Variants in NEDD4L observed in about 807,000 individuals in gnomAD.
NEDD4L encodes the protein NEDD4 like E3 ubiquitin protein ligase, also known as E3 ubiquitin-protein ligase NEDD4-like.
Under a neutral mutation model 148.9 loss-of-function variants are expected in NEDD4L, and 54 were observed. The ratio of observed to expected loss-of-function variants is 0.36; its 90% CI spans 0.29 to 0.45. NEDD4L has a LOEUF of 0.45. NEDD4L is among the 20% of genes least tolerant of loss of function. NEDD4L has a pLI of 1.00. For synonymous variants in NEDD4L, 433 were observed against 440.7 expected, an observed-to-expected ratio of 0.98 and a Z score of 0.22; for missense variants, 856 against 1,233.8, an observed-to-expected ratio of 0.69 and a Z score of 4.59.
chr18:58,124,964 C>T (rs958756898), intron 1 of NEDD4L, among the ~76,000 whole-genome samples: 1 of 152,134 alleles, frequency 6.6e-6, no homozygotes, highest in African/African-American at 2.4e-5. Context: ...GTGCAGTGGT[C>T]CAATCATAGC....
intron 1 of NEDD4L, among the ~76,000 whole-genome samples, chr18:58,089,126 A>ATTTTTTTTTTTT (rs570623396): frequency 3.0e-5 from 3 of 100,984 alleles, no homozygotes; most frequent in Non-Finnish European, 5.6e-5. Context: ...TTATTTCATA[A>ATTTTTTTTTTTT]TTTTTTTTTT....
intron 14 of NEDD4L, 144 bp downstream of exon 14, chr18:58,341,313 A>G: frequency 1.1e-6 from 1 of 908,860 alleles, no homozygotes; most frequent in Non-Finnish European, 1.6e-6. Context: ...CATTACTTTA[A>G]ATACAATAAT....
intron 21 of NEDD4L, chr18:58,367,325 A>G (rs1198367211): frequency 6.1e-6 from 1 of 165,218 alleles, no homozygotes; most frequent in Non-Finnish European, 1.3e-5. Context: ...TTGGGCCCAT[A>G]GCAAACATCT....
chr18:58,251,831 T>C (rs943264357), intron 4 of NEDD4L, among the ~76,000 whole-genome samples, 170 bp from the exon 5 acceptor site: 2 of 152,218 alleles, frequency 1.3e-5, no homozygotes, highest in African/African-American at 4.8e-5. Context: ...AAATCAGTAA[T>C]AGGAAATTTG....
chr18:58,290,074 G>T (rs1407703999), intron 5 of NEDD4L, among the ~76,000 whole-genome samples: 1 of 152,180 alleles, frequency 6.6e-6, no homozygotes, highest in East Asian at 1.9e-4. Flanking sequence ...TCAATGATCA[G>T]ATATTTTACT....
chr18:58,318,836 T>G (rs1006438609), intron 6 of NEDD4L, among the ~76,000 whole-genome samples: 9 of 152,214 alleles, frequency 5.9e-5, no homozygotes, highest in African/African-American at 1.9e-4. Flanking sequence ...TAACCCACCT[T>G]TGCCCAGCCA....
chr18:58,258,887 T>C (rs1032797046), intron 5 of NEDD4L, among the ~76,000 whole-genome samples: 2 of 152,226 alleles, frequency 1.3e-5, no homozygotes, highest in Admixed American at 1.3e-4. Flanking sequence ...GCCTTACTTA[T>C]CTTGAAGGAA....
chr18:58,336,601 T>C (rs2041811712), intron 13 of NEDD4L, among the ~76,000 whole-genome samples: 1 of 152,176 alleles, frequency 6.6e-6, no homozygotes, highest in African/African-American at 2.4e-5. Flanking sequence ...AATTTCCTTA[T>C]TGTTTCACCT....
intron 4 of NEDD4L, among the ~76,000 whole-genome samples, chr18:58,250,404 T>A (rs979074449): frequency 6.6e-6 from 1 of 152,220 alleles, no homozygotes; most frequent in Non-Finnish European, 1.5e-5. Context: ...CGCCTTGGCC[T>A]CCCAAAGTTC....
chr18:58,161,862 T>C (rs539656155), intron 1 of NEDD4L, among the ~76,000 whole-genome samples: 3 of 152,258 alleles, frequency 2.0e-5, no homozygotes, highest in Admixed American at 2.0e-4. Context: ...TGAAGAGGCC[T>C]CATACCTTTT....
At chr18:58,252,402 G>A (rs1316466883) in intron 5 of NEDD4L, among the ~76,000 whole-genome samples, 1 of 152,156 alleles carries the variant, frequency 6.6e-6, no homozygotes, top group Non-Finnish European at 1.5e-5. Flanking sequence ...AACTTTGCTC[G>A]GTTTTTAAAT....
chr18:58,234,024 C>G (rs574133959), intron 2 of NEDD4L, among the ~76,000 whole-genome samples: 4 of 151,058 alleles, frequency 2.6e-5, no homozygotes, highest in Non-Finnish European at 5.9e-5. Context: ...AGGGCTCAAC[C>G]TAATGACCTC....
chr18:58,137,729 T>C lies in NEDD4L; in HGVS notation c.49-28059T>C, dbSNP rs546223953. ...TGTTTTTTTTTCCAACCACATACCC[T>C]GTCGCTACCACATCAAATACAGGTC... On this transcript the variant is annotated intron_variant, in intron 1 of 30. Transcript: ENST00000400345. 2.0e-5 allele frequency among the ~76,000 whole-genome samples: 3 copies of C among 152,304 alleles called. No individual in the cohort carries two copies. In the South Asian group the frequency reaches 6.2e-4, roughly 32 times the overall value.
intron 5 of NEDD4L, among the ~76,000 whole-genome samples, chr18:58,275,625 C>T (rs1266356925): frequency 2.6e-5 from 4 of 152,276 alleles, no homozygotes; most frequent in East Asian, 1.9e-4. Context: ...GTGGTCTGGC[C>T]GCTGCACCAG....
chr18:58,188,920 G>T (rs2039778953), intron 2 of NEDD4L, among the ~76,000 whole-genome samples: 1 of 152,124 alleles, frequency 6.6e-6, no homozygotes, highest in Non-Finnish European at 1.5e-5. Flanking sequence ...AGCTCCTGTT[G>T]AGTGCTGCTG....
intron 4 of NEDD4L, among the ~76,000 whole-genome samples, chr18:58,251,214 AC>A (rs2047888096): frequency 6.6e-6 from 1 of 152,170 alleles, no homozygotes; most frequent in Non-Finnish European, 1.5e-5. Context: ...ATATTTAATA[AC>A]AAGACAGTGC....
At chr18:58,216,536 T>C (rs983769430) in intron 2 of NEDD4L, among the ~76,000 whole-genome samples, 1 of 150,920 alleles carries the variant, frequency 6.6e-6, no homozygotes, top group African/African-American at 2.4e-5. Context: ...GAGGAGGAGA[T>C]GGTGGGAGAT....
chr18:58,120,333 T>G (rs1235782005), intron 1 of NEDD4L, among the ~76,000 whole-genome samples: 3 of 152,224 alleles, frequency 2.0e-5, no homozygotes, highest in Non-Finnish European at 4.4e-5. Flanking sequence ...GTTCTGCTAT[T>G]CATTGGCCAA....
intron 25 of NEDD4L, 96 bp from the exon 26 acceptor site, chr18:58,385,430 G>T: frequency 1.0e-6 from 1 of 960,818 alleles, no homozygotes; most frequent in Non-Finnish European, 1.7e-6. Context: ...CTGCTCTGCT[G>T]TCGTGGATGG....
Sources: gnomAD v4.1 joint callset for allele counts (sites outside exome capture counted in the v4.1 genomes callset) on GRCh38, gnomAD v4.1.1 for gene constraint, MANE v1.5 for transcripts, NCBI Gene and HGNC (gene_info 2026-07-23, HGNC 2026-07-21) for gene names.